Variants in CSAG1 observed in about 807,000 individuals in gnomAD.
CSAG1 encodes the protein chondrosarcoma-associated gene 1 protein.
In CSAG1, 4 loss-of-function variants were observed where a neutral mutation model predicts 4.8. The ratio of observed to expected loss-of-function variants is 0.83; its 90% CI spans 0.41 to 1.90. The LOEUF (loss-of-function observed/expected upper bound fraction) is 1.90. Ranked by LOEUF, CSAG1 falls within the 40% of genes most tolerant of loss-of-function variation. CSAG1 has a pLI of 0.03. For synonymous variants in CSAG1, 21 were observed against 23.1 expected (o/e 0.91, Z 0.26); for missense variants, 69 against 59.5 (o/e 1.16, Z -0.53).
Position 152,732,435 on chromosome X carries a change from A to G in CSAG1, c.16+10T>C, listed in dbSNP as rs1556227930. ...ACTCAGCTTAAATTATTTACAATTT[A>G]GTGCCTTACCTGTAGTCGCCGACAT... is the stretch of plus-strand genomic sequence containing the variant. On this transcript the variant is annotated intron_variant, in intron 2 of 3. Transcript: ENST00000452779. 8.3e-7 allele frequency: 1 copy of G among 1,204,009 alleles called. No individual in the cohort carries two copies. Among genetic ancestry groups the G allele is most frequent in the Non-Finnish European group, 1.1e-6 (1 of 892,861 alleles).
chrX:152,728,770 T>C (rs1315809923), intron 2 of CSAG1, among the ~76,000 whole-genome samples: 2 of 111,776 alleles, frequency 1.8e-5, no homozygotes, highest in Admixed American at 1.9e-4. Context: ...TTTCTCAATA[T>C]GTCCATTCTT....
At chrX:152,728,421 T>C (rs1447694426) in intron 2 of CSAG1, among the ~76,000 whole-genome samples, 197 bp from the exon 3 acceptor site, 3 of 112,465 alleles carry the variant, frequency 2.7e-5, no homozygotes, top group Non-Finnish European at 5.6e-5. Flanking sequence ...TCTAGACTAC[T>C]GTTTGACCAC....
At position 152,728,160 on chromosome X, in the gene CSAG1, C is replaced by A. The variant is rs1234040866; in HGVS notation, c.81G>T (p.Leu27=). 8.3e-7 allele frequency: 1 copy of A among 1,209,311 alleles called. No individual in the cohort carries two copies. The highest frequency in any genetic ancestry group is 1.1e-6 in the Non-Finnish European group (1 of 894,973). Residue 27 remains leucine, a synonymous_variant, in exon 3 of 4, where the codon CTG becomes CTT. Transcript: ENST00000452779. ...ARGDQVDWSR[L]YRDTGLVKMS... ...TCTTCACCAGACCAGTGTCTCTGTA[C>A]AGTCTACTCCAGTCCACCTGGTCTC...
chrX:152,731,007 T>C (rs1447337996), intron 2 of CSAG1, among the ~76,000 whole-genome samples: 3 of 112,772 alleles, frequency 2.7e-5, no homozygotes, highest in Non-Finnish European at 5.6e-5. Flanking sequence ...ATTTTTTAGA[T>C]ATCAATGCTA....
At chrX:152,731,950 G>A (rs1221145778) in intron 2 of CSAG1, among the ~76,000 whole-genome samples, 2 of 112,335 alleles carry the variant, frequency 1.8e-5, no homozygotes, top group East Asian at 5.6e-4. Context: ...TTCCAGTCAG[G>A]AACGAGAAGT....
intron 1 of CSAG1, 37 bp from the exon 2 acceptor site, chrX:152,732,541 C>A (rs113496515): frequency 1.3e-5 from 16 of 1,196,840 alleles, no homozygotes; most frequent in African/African-American, 3.5e-5. Context: ...AAGTAAAAAA[C>A]CAGTATTAGC....
At chrX:152,730,268 A>T (rs1397968044) in intron 2 of CSAG1, among the ~76,000 whole-genome samples, 3 of 111,537 alleles carry the variant, frequency 2.7e-5, no homozygotes, top group Non-Finnish European at 5.7e-5. Context: ...CAAGGGGGTT[A>T]TCTGACAAGC....
intron 2 of CSAG1, among the ~76,000 whole-genome samples, chrX:152,730,010 A>ATATATATATATATATATATATAT (rs1932123404): frequency 1.5e-5 from 1 of 65,802 alleles, no homozygotes; most frequent in Admixed American, 1.4e-4. Context: ...ATATATATAT[A>ATATATATATATATATATATATAT]CACACATACA....
intron 2 of CSAG1, among the ~76,000 whole-genome samples, chrX:152,730,397 A>T (rs1932132422): frequency 8.9e-6 from 1 of 111,772 alleles, no homozygotes; most frequent in African/African-American, 3.2e-5. Flanking sequence ...TACCAAGGTG[A>T]TGGTATTAGG....
Position 152,727,744 on chromosome X carries a change from G to C in CSAG1, c.*50C>G, listed in dbSNP as rs1443539885. On this transcript the variant is annotated 3_prime_UTR_variant, in exon 4 of 4. Coordinates refer to ENST00000452779, the MANE Select transcript of CSAG1 (RefSeq NM_001102576.3). Reference sequence around the variant, plus strand: ...CTCGTTCGGCTGGTCAGAGTGGCTGGATAGTGTTGGCCCACTCCATTCCTC... The same window carrying C: ...CTCGTTCGGCTGGTCAGAGTGGCTGCATAGTGTTGGCCCACTCCATTCCTC... 1.7e-6 allele frequency: 2 copies of C among 1,180,537 alleles called. No individual in the cohort carries two copies. The highest frequency in any genetic ancestry group is 3.0e-5 in the East Asian group (1 of 33,609).
intron 2 of CSAG1, among the ~76,000 whole-genome samples, chrX:152,730,165 C>T (rs1399886758): frequency 9.2e-6 from 1 of 108,926 alleles, no homozygotes; most frequent in Non-Finnish European, 1.9e-5. Flanking sequence ...TAGAAAGAAA[C>T]GAGTCTAAAA....
chrX:152,731,139 G>T (rs1398384825), intron 2 of CSAG1, among the ~76,000 whole-genome samples: 4 of 111,797 alleles, frequency 3.6e-5, no homozygotes, highest in Non-Finnish European at 5.6e-5. Context: ...ATGCAGGTAG[G>T]CAAGTGTCTA....
intron 1 of CSAG1, 22 bp from the exon 2 acceptor site, chrX:152,732,526 A>T: frequency 1.7e-6 from 2 of 1,207,365 alleles, no homozygotes; most frequent in South Asian, 3.5e-5. Flanking sequence ...TAGAATGGAA[A>T]CAGAAAGTAA....
intron 2 of CSAG1, among the ~76,000 whole-genome samples, chrX:152,731,725 A>AG (rs1932159464): frequency 2.8e-5 from 2 of 72,193 alleles, no homozygotes; most frequent in Admixed American, 2.5e-4. Context: ...ATTTAACATC[A>AG]GAAAAAAAAA....
chrX:152,728,695 C>A (rs1894609194), intron 2 of CSAG1, among the ~76,000 whole-genome samples: 1 of 112,033 alleles, frequency 8.9e-6, no homozygotes, highest in Admixed American at 9.4e-5. Flanking sequence ...GTCTGGAAGT[C>A]CCAGATCAAG....
intron 2 of CSAG1, among the ~76,000 whole-genome samples, chrX:152,728,957 C>G (rs1312197024): frequency 1.8e-5 from 2 of 111,412 alleles, no homozygotes; most frequent in East Asian, 5.6e-4. Flanking sequence ...AGCCTCATCA[C>G]CAAATACAGA....
At chrX:152,729,590 T>G (rs1335191181) in intron 2 of CSAG1, among the ~76,000 whole-genome samples, 1 of 111,922 alleles carries the variant, frequency 8.9e-6, no homozygotes, top group Non-Finnish European at 1.9e-5. Context: ...ACATGGCAAA[T>G]AAGCATAATA....
intron 2 of CSAG1, 106 bp from the exon 3 acceptor site, chrX:152,728,330 A>C: frequency 1.3e-6 from 1 of 786,988 alleles, no homozygotes; most frequent in Non-Finnish European, 1.9e-6. Context: ...GCCTATCCAC[A>C]TTATGGAAGT....
chrX:152,732,439 C>T lies in CSAG1; in HGVS notation c.16+6G>A, dbSNP rs1932178787. On this transcript the variant is annotated splice_donor_region_variant and intron_variant, in intron 2 of 3. Transcript: ENST00000452779. ...AGCTTAAATTATTTACAATTTAGTG[C>T]CTTACCTGTAGTCGCCGACATTACA... 1.7e-6 allele frequency: 2 copies of T among 1,205,097 alleles called. No homozygotes were observed. The highest frequency in any genetic ancestry group is 2.2e-6 in the Non-Finnish European group (2 of 893,134).
Sources: gnomAD v4.1 joint callset for allele counts (sites outside exome capture counted in the v4.1 genomes callset) on GRCh38, gnomAD v4.1.1 for gene constraint, MANE v1.5 for transcripts, NCBI Gene and HGNC (gene_info 2026-07-23, HGNC 2026-07-21) for gene names.